The following TTC28 variants were observed in gnomAD, a reference collection of about 807,000 sequenced individuals.
TTC28 encodes the protein tetratricopeptide repeat protein 28.
A neutral mutation model predicts 198.0 loss-of-function variants in TTC28; 61 were observed. That is an observed-to-expected ratio of 0.31 (90% CI 0.25 to 0.38). The LOEUF (loss-of-function observed/expected upper bound fraction) is 0.38. Among genes scored for constraint, TTC28 ranks in the 10% least tolerant of loss-of-function variants. The probability of loss-of-function intolerance (pLI) is 1.00; values close to 1 mark genes in which losing one functional copy is unlikely to be tolerated. For missense variants in TTC28, 2,678 were observed against 3,164.0 expected, an observed-to-expected ratio of 0.85 and a Z score of 3.69; for synonymous variants, 1,171 against 1,297.8, an observed-to-expected ratio of 0.90 and a Z score of 2.10.
intron 2 of TTC28, among the ~76,000 whole-genome samples, chr22:28,547,132 A>G (rs1045942430): frequency 2.0e-5 from 3 of 152,124 alleles, no homozygotes; most frequent in Non-Finnish European, 4.4e-5. Flanking sequence ...TTTTAAATGG[A>G]TGTTTTATAA....
chr22:28,385,071 G>A (rs2046556098), intron 2 of TTC28, among the ~76,000 whole-genome samples: 1 of 150,248 alleles, frequency 6.7e-6, no homozygotes, highest in Admixed American at 6.6e-5. Flanking sequence ...AACCCAGGAG[G>A]CAGAGGTTGC....
chr22:27,999,380 T>C, intron 15 of TTC28, 120 bp from the exon 16 acceptor site: 1 of 1,376,512 alleles, frequency 7.3e-7, no homozygotes, highest in African/African-American at 1.5e-5. Context: ...ATCCACCTGT[T>C]TCCCCAGTCA....
chr22:28,110,689 C>G (rs1234965357), intron 6 of TTC28, among the ~76,000 whole-genome samples: 1 of 152,048 alleles, frequency 6.6e-6, no homozygotes, highest in Non-Finnish European at 1.5e-5. Context: ...TAACCCGGCA[C>G]TTTGGAAGGC....
At chr22:28,460,321 T>C (rs2047928949) in intron 2 of TTC28, among the ~76,000 whole-genome samples, 1 of 152,098 alleles carries the variant, frequency 6.6e-6, no homozygotes, top group Non-Finnish European at 1.5e-5. Context: ...TTAAAATATA[T>C]TGTGGTAAAA....
chr22:28,181,057 T>A (rs944407536), intron 5 of TTC28, among the ~76,000 whole-genome samples: 4 of 152,210 alleles, frequency 2.6e-5, no homozygotes, highest in Non-Finnish European at 5.9e-5. Context: ...TACTCTAAGC[T>A]TAGAGAGCTG....
At chr22:28,198,908 G>A (rs1925629304) in intron 5 of TTC28, among the ~76,000 whole-genome samples, 1 of 152,064 alleles carries the variant, frequency 6.6e-6, no homozygotes, top group South Asian at 2.1e-4. Context: ...CTGAGTCACA[G>A]GCCACAAGTA....
intron 2 of TTC28, among the ~76,000 whole-genome samples, chr22:28,488,756 C>T (rs1341551943): frequency 6.6e-6 from 1 of 152,104 alleles, no homozygotes; most frequent in Non-Finnish European, 1.5e-5. Flanking sequence ...TGGCTTCTGA[C>T]AGAAATCAGT....
At chr22:28,364,703 A>G (rs2046216307) in intron 2 of TTC28, among the ~76,000 whole-genome samples, 1 of 152,204 alleles carries the variant, frequency 6.6e-6, no homozygotes, top group Non-Finnish European at 1.5e-5. Context: ...TATTAACTGC[A>G]GATGTGTTGG....
intron 1 of TTC28, among the ~76,000 whole-genome samples, chr22:28,632,281 T>G (rs938137050): frequency 6.9e-6 from 1 of 144,606 alleles, no homozygotes; most frequent in Admixed American, 7.0e-5. Context: ...TTTTTTTTTT[T>G]TTTGAGGAGA....
At chr22:28,145,424 C>T (rs755547889) in intron 6 of TTC28, among the ~76,000 whole-genome samples, 8 of 152,100 alleles carry the variant, frequency 5.3e-5, no homozygotes, top group African/African-American at 1.9e-4. Context: ...CTACTTGAGT[C>T]TCTCCTTGTT....
At chr22:28,090,394 C>G (rs9608665) in intron 12 of TTC28, among the ~76,000 whole-genome samples, 4 of 151,686 alleles carry the variant, frequency 2.6e-5, no homozygotes, top group Non-Finnish European at 5.9e-5. Flanking sequence ...ATTAAAAATT[C>G]TTTGTAAACA....
chr22:28,344,014 G>GA (rs1238757736), intron 2 of TTC28, among the ~76,000 whole-genome samples: 1 of 151,794 alleles, frequency 6.6e-6, no homozygotes, highest in South Asian at 2.1e-4. Flanking sequence ...AAATCCAACA[G>GA]AAAAAAATAG....
At chr22:28,218,767 T>C (rs918284930) in intron 5 of TTC28, among the ~76,000 whole-genome samples, 2 of 152,068 alleles carry the variant, frequency 1.3e-5, no homozygotes, top group African/African-American at 4.8e-5. Flanking sequence ...AATAGCTTCA[T>C]TGAGGACATT....
chr22:28,428,522 T>G (rs2047383169), intron 2 of TTC28, among the ~76,000 whole-genome samples: 1 of 152,194 alleles, frequency 6.6e-6, no homozygotes, highest in African/African-American at 2.4e-5. Flanking sequence ...TATTCTGACT[T>G]CTTGTCTAGA....
intron 6 of TTC28, among the ~76,000 whole-genome samples, chr22:28,138,749 C>A (rs1247312691): frequency 6.6e-6 from 1 of 152,196 alleles, no homozygotes; most frequent in Non-Finnish European, 1.5e-5. Context: ...CAGCCAGAGT[C>A]CTTTATCCCT....
chr22:27,985,483 C>T (rs1937178687), intron 21 of TTC28, 127 bp from the exon 22 acceptor site: 2 of 701,976 alleles, frequency 2.8e-6, no homozygotes, highest in African/African-American at 1.8e-5. Context: ...AGCATTTGGG[C>T]CTGGGGCTTC....
intron 2 of TTC28, among the ~76,000 whole-genome samples, chr22:28,316,847 G>A (rs1299447011): frequency 6.6e-6 from 1 of 152,106 alleles, no homozygotes; most frequent in Non-Finnish European, 1.5e-5. Flanking sequence ...GCTCACTGCA[G>A]CTTTGAACCC....
At chr22:28,181,051 C>G (rs1341836296) in intron 5 of TTC28, among the ~76,000 whole-genome samples, 1 of 152,170 alleles carries the variant, frequency 6.6e-6, no homozygotes, top group Non-Finnish European at 1.5e-5. Context: ...TTCTATTACT[C>G]TAAGCTTAGA....
chr22:28,419,600 T>TC, intron 2 of TTC28, among the ~76,000 whole-genome samples: 1 of 152,216 alleles, frequency 6.6e-6, no homozygotes, highest in Middle Eastern at 3.2e-3. Context: ...TGAAAGCATA[T>TC]GATGCTAAAC....
Sources: allele counts gnomAD v4.1 joint callset (sites outside exome capture counted in the v4.1 genomes callset), GRCh38; gene constraint gnomAD v4.1.1; transcripts MANE v1.5; gene names NCBI Gene and HGNC (gene_info 2026-07-23, HGNC 2026-07-21).